NECAP2: variants seen among roughly 807,000 people sequenced by gnomAD.
NECAP2 encodes the protein adaptin ear-binding coat-associated protein 2.
In NECAP2, 38 loss-of-function variants were observed where a neutral mutation model predicts 37.8. The ratio of observed to expected loss-of-function variants is 1.01; its 90% CI spans 0.78 to 1.32. The LOEUF is 1.32. Ranked by LOEUF, NECAP2 falls within the 40% of genes most tolerant of loss-of-function variation. The pLI is 0.00. For synonymous variants in NECAP2, 121 were observed against 127.7 expected (o/e 0.95, Z 0.35); for missense variants, 316 against 334.5 (o/e 0.94, Z 0.43).
chr1:16,454,966 G>C (rs374066740), intron 6 of NECAP2, among the ~76,000 whole-genome samples: 1 of 152,206 alleles, frequency 6.6e-6, no homozygotes. Flanking sequence ...AATGGAAACT[G>C]AAATGACCTG....
intron 1 of NECAP2, among the ~76,000 whole-genome samples, chr1:16,442,903 CAGAG>C (rs2086709230): frequency 6.6e-6 from 1 of 152,180 alleles, no homozygotes; most frequent in Non-Finnish European, 1.5e-5. Context: ...GCCCGGGTGA[CAGAG>C]TGAGACCCCG....
At chr1:16,447,008 C>T (rs1320374564) in intron 2 of NECAP2, among the ~76,000 whole-genome samples, 2 of 150,858 alleles carry the variant, frequency 1.3e-5, no homozygotes, top group African/African-American at 2.4e-5. Context: ...TGCAGTGAGC[C>T]GAGATTGCGC....
rs1191367037 is a variant in NECAP2 at position 16,447,936 on chromosome 1, C to G, written c.260C>G (p.Ser87Cys). ...PGTAVESVTDSSRYFVIRIED... is the reference protein window; with the variant it reads ...PGTAVESVTDCSRYFVIRIED... ...ACAGCTGTGGAGAGTGTGACGGATT[C>G]CAGCAGGTACTTCGTGATCCGCATC... The change falls in exon 3 of 8, where the codon TCC (serine) becomes TGC (cysteine). Residue 87 changes from serine to cysteine, a missense_variant. Around this residue, in one of 3 missense-constraint regions of NECAP2, gnomAD observed 81 missense variants for 124.2 expected, o/e 0.65. Coordinates refer to ENST00000337132, the MANE Select transcript of NECAP2 (RefSeq NM_018090.5). 1 of 1,613,978 alleles carries G rather than the reference C, an allele frequency of 6.2e-7. No homozygotes were observed. The highest frequency in any genetic ancestry group is 1.7e-5 in the Admixed American group (1 of 59,982).
intron 6 of NECAP2, among the ~76,000 whole-genome samples, chr1:16,453,700 G>A (rs1570271254): frequency 6.6e-6 from 1 of 151,250 alleles, no homozygotes; most frequent in East Asian, 2.0e-4. Flanking sequence ...TGTTGGCCAG[G>A]ATGGTCTCGA....
intron 2 of NECAP2, among the ~76,000 whole-genome samples, chr1:16,444,585 G>A (rs1302278076): frequency 6.6e-6 from 1 of 152,170 alleles, no homozygotes; most frequent in Non-Finnish European, 1.5e-5. Flanking sequence ...TCATAAGATT[G>A]TTGGAGAATA....
chr1:16,457,781 C>T (rs1014688335), intron 7 of NECAP2, among the ~76,000 whole-genome samples: 3 of 135,832 alleles, frequency 2.2e-5, no homozygotes, highest in Non-Finnish European at 4.5e-5. Flanking sequence ...GGCGTGATGT[C>T]GGCTCACTGC....
intron 5 of NECAP2, chr1:16,449,538 C>T (rs766795275): frequency 1.4e-4 from 37 of 269,490 alleles, no homozygotes; most frequent in South Asian, 1.0e-3. Flanking sequence ...GACCTGTAGG[C>T]AAGGGAAGAG....
chr1:16,452,763 G>A (rs1287706207), intron 6 of NECAP2, among the ~76,000 whole-genome samples: 9 of 151,102 alleles, frequency 6.0e-5, no homozygotes, highest in Non-Finnish European at 1.2e-4. Context: ...CTACCTCCCC[G>A]CGCGCCCCCC....
At position 16,451,887 on chromosome 1, in the gene NECAP2, C is replaced by G. The variant is rs1343398984; in HGVS notation, c.539C>G (p.Ala180Gly). 1 of 1,614,118 alleles carries G rather than the reference C, an allele frequency of 6.2e-7. No homozygotes were observed. The highest frequency in any genetic ancestry group is 2.2e-5 in the East Asian group (1 of 44,878). ...GAAGNPRVRP[A>G]STGGLSLLPP... ...GCTGGGAATCCCCGAGTCCGGCCTG[C>G]CAGCACAGGAGGGCTGAGCCTGCTT... Residue 180 changes from alanine to glycine, a missense_variant, in exon 6 of 8, where the codon GCC becomes GGC. Ala to Gly is a moderately conservative substitution (Grantham distance 60). Transcript: ENST00000337132.
chr1:16,458,740 G>GGCTTCTTAGAGCTTTTTCTGTCCAGAGA, intron 7 of NECAP2, 102 bp from the exon 8 acceptor site: 1 of 1,204,952 alleles, frequency 8.3e-7, no homozygotes, highest in South Asian at 1.3e-5. Context: ...TTTAGGAACT[G>GGCTTCTTAGAGCTTTTTCTGTCCAGAGA]GCTTCTTAGA....
intron 7 of NECAP2, among the ~76,000 whole-genome samples, chr1:16,457,011 G>A (rs1164902606): frequency 6.6e-6 from 1 of 152,124 alleles, no homozygotes; most frequent in East Asian, 1.9e-4. Context: ...CACATTTTCT[G>A]TAAAGGACTA....
intron 6 of NECAP2, among the ~76,000 whole-genome samples, chr1:16,452,968 G>A (rs1223755929): frequency 1.3e-5 from 2 of 152,188 alleles, no homozygotes; most frequent in East Asian, 3.9e-4. Context: ...GTCCTGTGGG[G>A]AGAGTGGCAG....
intron 2 of NECAP2, among the ~76,000 whole-genome samples, chr1:16,445,423 A>G (rs2086746260): frequency 6.6e-6 from 1 of 152,224 alleles, no homozygotes; most frequent in African/African-American, 2.4e-5. Flanking sequence ...AAGTTGTGAC[A>G]ATCAAAATTA....
chr1:16,441,086 A>G (rs2086684112), intron 1 of NECAP2: 1 of 551,478 alleles, frequency 1.8e-6, no homozygotes, highest in Non-Finnish European at 3.2e-6. Flanking sequence ...AGCCGTATCT[A>G]GCGCTTAGGG....
At position 16,443,617 on chromosome 1, in the gene NECAP2, T is replaced by A; in HGVS notation, c.93-15T>A. On this transcript the variant is annotated splice_polypyrimidine_tract_variant and intron_variant, in intron 1 of 7. Coordinates refer to ENST00000337132, the MANE Select transcript of NECAP2 (RefSeq NM_018090.5). The stretch of plus-strand genomic sequence containing the variant: ...GGAGCCTCTGGCAGAGATTCAGTGG[T>A]GTTTGTCCCCTTAGGGCTGCGGAGT... 1 of 1,596,232 alleles carries A rather than the reference T, an allele frequency of 6.3e-7. No homozygotes were observed. Among genetic ancestry groups the A allele is most frequent in the African/African-American group, 1.3e-5 (1 of 74,812 alleles).
chr1:16,448,221 A>C, intron 4 of NECAP2, 80 bp downstream of exon 4: 3 of 1,374,856 alleles, frequency 2.2e-6, no homozygotes, highest in Non-Finnish European at 3.1e-6. Flanking sequence ...TAGGATACCC[A>C]AGTGTTTGTG....
chr1:16,441,078 C>T (rs1197586525), intron 1 of NECAP2: 2 of 565,186 alleles, frequency 3.5e-6, no homozygotes, highest in East Asian at 2.9e-5. Flanking sequence ...GGCGTTAAAG[C>T]CGTATCTAGC....
At chr1:16,448,683 G>A (rs2086798485) in intron 4 of NECAP2, among the ~76,000 whole-genome samples, 1 of 152,088 alleles carries the variant, frequency 6.6e-6, no homozygotes, top group Non-Finnish European at 1.5e-5. Context: ...CTCTACTTTT[G>A]GGTATCTGTC....
intron 2 of NECAP2, among the ~76,000 whole-genome samples, chr1:16,444,375 C>T (rs753893784): frequency 6.6e-6 from 1 of 151,852 alleles, no homozygotes; most frequent in Non-Finnish European, 1.5e-5. Flanking sequence ...GGTGCCACAA[C>T]ATTCGGTCAT....
Sources: gnomAD v4.1 joint callset for allele counts (sites outside exome capture counted in the v4.1 genomes callset) on GRCh38, gnomAD v4.1.1 for gene constraint, gnomAD v4.1.1 regional missense constraint, MANE v1.5 for transcripts, NCBI Gene and HGNC (gene_info 2026-07-23, HGNC 2026-07-21) for gene names.